STAU2: variants seen among roughly 807,000 people sequenced by gnomAD.
The protein encoded by STAU2 is double-stranded RNA-binding protein Staufen homolog 2.
STAU2 carries 20 observed loss-of-function variants against 65.9 expected under a neutral mutation model. The observed-to-expected ratio is 0.30, with a 90% CI of 0.21 to 0.44. STAU2 has a LOEUF of 0.44. Among genes scored for constraint, STAU2 ranks in the 20% least tolerant of loss-of-function variants. The pLI, the probability that STAU2 is intolerant of heterozygous loss-of-function variation, is 1.00. For synonymous variants in STAU2, 232 were observed against 233.9 expected, an observed-to-expected ratio of 0.99 and a Z score of 0.07; for missense variants, 558 against 683.9, an observed-to-expected ratio of 0.82 and a Z score of 2.05.
intron 3 of STAU2, among the ~76,000 whole-genome samples, chr8:73,716,217 T>C (rs538538212): frequency 1.9e-3 from 293 of 152,158 alleles, no homozygotes; most frequent in Admixed American, 5.1e-3. Flanking sequence ...GCCTCCCAAG[T>C]AGCTGGGACT....
At chr8:73,683,310 G>T (rs888258484) in intron 5 of STAU2, among the ~76,000 whole-genome samples, 1 of 151,956 alleles carries the variant, frequency 6.6e-6, no homozygotes, top group African/African-American at 2.4e-5. Context: ...ATAGTTTAAC[G>T]TCCACAAGTC....
intron 3 of STAU2, among the ~76,000 whole-genome samples, chr8:73,715,287 C>G (rs1339215024): frequency 6.6e-6 from 1 of 151,434 alleles, no homozygotes; most frequent in Non-Finnish European, 1.5e-5. Flanking sequence ...GAAACCCTGT[C>G]TCTATTAAAA....
chr8:73,696,513 T>C (rs1819701527), intron 4 of STAU2, among the ~76,000 whole-genome samples: 1 of 152,236 alleles, frequency 6.6e-6, no homozygotes, highest in Non-Finnish European at 1.5e-5. Flanking sequence ...GAATTTGGAA[T>C]TCTTATCAGA....
At chr8:73,556,063 C>T (rs887883586) in intron 12 of STAU2, among the ~76,000 whole-genome samples, 1 of 152,058 alleles carries the variant, frequency 6.6e-6, no homozygotes, top group Non-Finnish European at 1.5e-5. Context: ...TTTATCTATG[C>T]ACTTTTTAGT....
chr8:73,486,742 T>C (rs1820936856), intron 13 of STAU2, among the ~76,000 whole-genome samples: 1 of 151,402 alleles, frequency 6.6e-6, no homozygotes, highest in African/African-American at 2.4e-5. Flanking sequence ...AGCCTTTACC[T>C]CCTGGGCTCA....
intron 13 of STAU2, among the ~76,000 whole-genome samples, chr8:73,464,563 C>T (rs1370937112): frequency 3.3e-5 from 5 of 151,750 alleles, no homozygotes; most frequent in African/African-American, 1.2e-4. Flanking sequence ...GATTTAAATA[C>T]GCACACACAG....
At chr8:73,539,640 C>T (rs534484137) in intron 13 of STAU2, among the ~76,000 whole-genome samples, 5 of 152,078 alleles carry the variant, frequency 3.3e-5, no homozygotes, top group South Asian at 2.1e-4. Flanking sequence ...CTGAGGAGTT[C>T]GAGACCAGCC....
At chr8:73,529,983 T>C (rs529216891) in intron 13 of STAU2, among the ~76,000 whole-genome samples, 1 of 151,660 alleles carries the variant, frequency 6.6e-6, no homozygotes, top group African/African-American at 2.4e-5. Flanking sequence ...TCCTGAAAAC[T>C]TTTAAAAGAG....
intron 13 of STAU2, among the ~76,000 whole-genome samples, chr8:73,541,760 C>G (rs1806560425): frequency 6.6e-6 from 1 of 151,846 alleles, no homozygotes; most frequent in Non-Finnish European, 1.5e-5. Flanking sequence ...AAAAAACAAC[C>G]AAATGGAAAT....
chr8:73,562,526 C>T (rs1206803002), intron 12 of STAU2, among the ~76,000 whole-genome samples: 1 of 152,168 alleles, frequency 6.6e-6, no homozygotes, highest in Non-Finnish European at 1.5e-5. Flanking sequence ...ACTGTAAAAC[C>T]ACCCATTGGG....
intron 13 of STAU2, among the ~76,000 whole-genome samples, chr8:73,514,132 A>G (rs1336215530): frequency 2.0e-5 from 3 of 152,118 alleles, no homozygotes; most frequent in Admixed American, 6.5e-5. Context: ...AACTATTGTT[A>G]AGAGCTTTTT....
intron 6 of STAU2, among the ~76,000 whole-genome samples, chr8:73,658,432 T>C (rs1440634833): frequency 6.6e-6 from 1 of 152,024 alleles, no homozygotes. Context: ...TATGAGAAAA[T>C]ACATTCCAAG....
At chr8:73,644,432 A>G (rs778143296) in intron 6 of STAU2, among the ~76,000 whole-genome samples, 22 of 151,886 alleles carry the variant, frequency 1.4e-4, no homozygotes, top group Middle Eastern at 6.8e-3. Context: ...GCAACAGAGT[A>G]AGATCCTGTC....
chr8:73,526,700 T>G (rs1805479577), intron 13 of STAU2, among the ~76,000 whole-genome samples: 1 of 152,186 alleles, frequency 6.6e-6, no homozygotes, highest in South Asian at 2.1e-4. Context: ...AAGCCAGAAA[T>G]TCTGTGATTT....
At chr8:73,479,208 G>A (rs1222410156) in intron 13 of STAU2, among the ~76,000 whole-genome samples, 6 of 152,064 alleles carry the variant, frequency 3.9e-5, no homozygotes, top group African/African-American at 9.7e-5. Flanking sequence ...CATCACTGTC[G>A]TACCTTTAAA....
At chr8:73,603,450 CAA>C (rs1811784759) in intron 10 of STAU2, among the ~76,000 whole-genome samples, 1 of 152,264 alleles carries the variant, frequency 6.6e-6, no homozygotes, top group Admixed American at 6.5e-5. Flanking sequence ...AAATGTAACA[CAA>C]AAAGTTAAAA....
chr8:73,499,669 AG>A (rs1303107824), intron 13 of STAU2, among the ~76,000 whole-genome samples: 1 of 151,890 alleles, frequency 6.6e-6, no homozygotes, highest in Admixed American at 6.6e-5. Flanking sequence ...AACTAGAAAA[AG>A]GTTGGCAGTT....
chr8:73,492,776 A>G (rs1357958784), intron 13 of STAU2, among the ~76,000 whole-genome samples: 2 of 151,900 alleles, frequency 1.3e-5, no homozygotes, highest in Non-Finnish European at 2.9e-5. Flanking sequence ...TCCTACCTAT[A>G]GAATGCTGAG....
intron 12 of STAU2, among the ~76,000 whole-genome samples, chr8:73,579,567 C>T (rs988423664): frequency 2.0e-5 from 3 of 152,164 alleles, no homozygotes; most frequent in Admixed American, 1.3e-4. Context: ...CTTTAAAATT[C>T]ATGATCTTTT....
Sources: gnomAD v4.1 joint callset for allele counts (sites outside exome capture counted in the v4.1 genomes callset) on GRCh38, gnomAD v4.1.1 for gene constraint, MANE v1.5 for transcripts, NCBI Gene and HGNC (gene_info 2026-07-23, HGNC 2026-07-21) for gene names.